EXOC6B: variants seen among roughly 807,000 people sequenced by gnomAD.
EXOC6B encodes the protein exocyst complex component 6B.
In EXOC6B, 54 loss-of-function variants were observed where a neutral mutation model predicts 113.5. The observed-to-expected ratio is 0.48, with a 90% confidence interval of 0.38 to 0.60. The LOEUF (loss-of-function observed/expected upper bound fraction) is 0.60, where lower values mean the gene tolerates loss of function less well. EXOC6B is among the 20% of genes least tolerant of loss of function. The pLI, the probability that EXOC6B is intolerant of heterozygous loss-of-function variation, is 0.00. For synonymous variants in EXOC6B, 357 were observed against 339.0 expected (o/e 1.05, Z -0.58); for missense variants, 797 against 977.5 (o/e 0.82, Z 2.46).
intron 20 of EXOC6B, chr2:72,288,732 A>G (rs1359135056): frequency 6.5e-6 from 1 of 153,170 alleles, no homozygotes; most frequent in East Asian, 1.9e-4. Context: ...TGCCACCAAA[A>G]TGGTACACAT....
At chr2:72,800,648 C>T (rs1487847942) in intron 1 of EXOC6B, among the ~76,000 whole-genome samples, 4 of 152,092 alleles carry the variant, frequency 2.6e-5, no homozygotes, top group Non-Finnish European at 5.9e-5. Context: ...AAAAGTGAGA[C>T]ACACAAAGAT....
At chr2:72,532,006 TA>T (rs1324405508) in intron 8 of EXOC6B, among the ~76,000 whole-genome samples, 2 of 151,644 alleles carry the variant, frequency 1.3e-5, no homozygotes, top group African/African-American at 4.8e-5. Context: ...AAAATAAAAA[TA>T]AAAAAGAATG....
chr2:72,347,954 G>A (rs1027381477), intron 19 of EXOC6B, among the ~76,000 whole-genome samples: 2 of 152,142 alleles, frequency 1.3e-5, no homozygotes, highest in Non-Finnish European at 2.9e-5. Flanking sequence ...TGGAATTGAA[G>A]GAAATGCCCA....
At chr2:72,714,440 T>A (rs1200958550) in intron 6 of EXOC6B, among the ~76,000 whole-genome samples, 2 of 152,192 alleles carry the variant, frequency 1.3e-5, no homozygotes, top group Non-Finnish European at 2.9e-5. Context: ...AGAGTTATAG[T>A]GTACACTGGT....
intron 18 of EXOC6B, among the ~76,000 whole-genome samples, chr2:72,451,057 T>C (rs917106361): frequency 6.6e-6 from 1 of 152,204 alleles, no homozygotes; most frequent in African/African-American, 2.4e-5. Context: ...ACCTGCAACG[T>C]AGCATATCAA....
chr2:72,448,913 C>T (rs1363911320), intron 18 of EXOC6B, among the ~76,000 whole-genome samples: 1 of 152,044 alleles, frequency 6.6e-6, no homozygotes, highest in Non-Finnish European at 1.5e-5. Context: ...GTCTTTTGGG[C>T]CGATAGAGAG....
chr2:72,197,864 T>C (rs1477002196), intron 20 of EXOC6B, among the ~76,000 whole-genome samples: 1 of 152,148 alleles, frequency 6.6e-6, no homozygotes, highest in Non-Finnish European at 1.5e-5. Context: ...CTAGAGTACA[T>C]AATCCTCCTA....
intron 20 of EXOC6B, among the ~76,000 whole-genome samples, chr2:72,210,766 G>A (rs151169262): frequency 1.7e-3 from 262 of 152,290 alleles, no homozygotes; most frequent in Non-Finnish European, 3.0e-3. Flanking sequence ...GCAGCAAGGT[G>A]GGATTACAGG....
At chr2:72,318,589 A>C (rs1354788015) in intron 20 of EXOC6B, among the ~76,000 whole-genome samples, 1 of 152,134 alleles carries the variant, frequency 6.6e-6, no homozygotes, top group Non-Finnish European at 1.5e-5. Flanking sequence ...ACTGGGTTTC[A>C]CCATGTTGTC....
intron 6 of EXOC6B, among the ~76,000 whole-genome samples, chr2:72,596,345 C>A (rs143192452): frequency 1.3e-3 from 197 of 152,204 alleles, no homozygotes; most frequent in African/African-American, 4.5e-3. Context: ...TACCCAGTAA[C>A]AGGTAGGAAA....
intron 18 of EXOC6B, among the ~76,000 whole-genome samples, chr2:72,453,985 G>A (rs149027559): frequency 6.4e-4 from 98 of 152,306 alleles, no homozygotes; most frequent in African/African-American, 2.3e-3. Flanking sequence ...AGTGCTGAGA[G>A]AAGGGGGAAG....
At chr2:72,555,697 A>T (rs1267679273) in intron 8 of EXOC6B, among the ~76,000 whole-genome samples, 1 of 152,156 alleles carries the variant, frequency 6.6e-6, no homozygotes, top group Non-Finnish European at 1.5e-5. Flanking sequence ...CCCAGGCTGG[A>T]GTGCAGTAGC....
intron 6 of EXOC6B, among the ~76,000 whole-genome samples, chr2:72,665,480 C>T (rs1675325866): frequency 6.6e-6 from 1 of 152,054 alleles, no homozygotes; most frequent in Admixed American, 6.5e-5. Context: ...AAGGAAATAG[C>T]ATTAGGCAAG....
intron 6 of EXOC6B, among the ~76,000 whole-genome samples, chr2:72,624,807 T>G (rs1004494707): frequency 6.6e-6 from 1 of 152,230 alleles, no homozygotes; most frequent in African/African-American, 2.4e-5. Flanking sequence ...ACTAGCCAGG[T>G]ACCATTCTAA....
At chr2:72,553,693 T>C (rs894035893) in intron 8 of EXOC6B, among the ~76,000 whole-genome samples, 6 of 151,930 alleles carry the variant, frequency 3.9e-5, no homozygotes, top group African/African-American at 1.4e-4. Flanking sequence ...ATTCATCATA[T>C]GGAAAAAAAT....
intron 20 of EXOC6B, among the ~76,000 whole-genome samples, chr2:72,325,174 C>T (rs988055244): frequency 2.0e-5 from 3 of 152,112 alleles, no homozygotes; most frequent in East Asian, 1.9e-4. Context: ...ATCCCTTAAC[C>T]GCATCTGAGA....
chr2:72,679,773 G>C (rs759316419), intron 6 of EXOC6B, among the ~76,000 whole-genome samples: 5 of 152,152 alleles, frequency 3.3e-5, no homozygotes, highest in Non-Finnish European at 7.4e-5. Flanking sequence ...TTTCAAAAGA[G>C]AAATGGAATA....
rs1292343387 is a variant in EXOC6B, at chr2:72,658,339, A to G, written c.669+59764T>C. ...ATAAAATCAACTTAACAATGTAACAACCAAAAAAAGCTCAATAATTTACAG... is the reference window on the plus strand; with the variant it reads ...ATAAAATCAACTTAACAATGTAACAGCCAAAAAAAGCTCAATAATTTACAG... On this transcript the variant is annotated intron_variant, in intron 6 of 21. Coordinates refer to ENST00000272427, the MANE Select transcript of EXOC6B (RefSeq NM_015189.3). Among the ~76,000 whole-genome samples, 3 of 151,212 alleles carry G rather than the reference A, an allele frequency of 2.0e-5. No homozygotes were observed. In the East Asian group the frequency reaches 5.8e-4, roughly 29 times the overall value.
intron 7 of EXOC6B, among the ~76,000 whole-genome samples, chr2:72,570,279 C>T (rs906052357): frequency 1.3e-5 from 2 of 152,132 alleles, no homozygotes; most frequent in Non-Finnish European, 2.9e-5. Flanking sequence ...CTGGTGGAAC[C>T]TTGATCTTGG....
Sources: allele counts gnomAD v4.1 joint callset (sites outside exome capture counted in the v4.1 genomes callset), GRCh38; gene constraint gnomAD v4.1.1; transcripts MANE v1.5; gene names NCBI Gene and HGNC (gene_info 2026-07-23, HGNC 2026-07-21).